The following RALGAPA2 variants were observed in gnomAD, a reference collection of about 807,000 sequenced individuals.
RALGAPA2 encodes ral GTPase-activating protein subunit alpha-2.
In RALGAPA2, 139 loss-of-function variants were observed where a neutral mutation model predicts 230.4. That is an observed-to-expected ratio of 0.60 (90% CI 0.53 to 0.69). The LOEUF is 0.69. Ranked by LOEUF, RALGAPA2 falls within the 30% of genes least tolerant of loss-of-function variation. The probability of loss-of-function intolerance (pLI) is 0.00; values close to 1 mark genes in which losing one functional copy is unlikely to be tolerated. For synonymous variants in RALGAPA2, 847 were observed against 837.8 expected, an observed-to-expected ratio of 1.01 and a Z score of -0.19; for missense variants, 2,163 against 2,276.0, an observed-to-expected ratio of 0.95 and a Z score of 1.01.
chr20:20,592,573 A>G (rs1012120662), intron 16 of RALGAPA2, among the ~76,000 whole-genome samples: 9 of 152,168 alleles, frequency 5.9e-5, no homozygotes, highest in African/African-American at 2.2e-4. Context: ...TTACATCCAC[A>G]TAACTAGAAT....
chr20:20,504,383 G>T (rs926979160), intron 34 of RALGAPA2, among the ~76,000 whole-genome samples: 2 of 152,124 alleles, frequency 1.3e-5, no homozygotes, highest in African/African-American at 4.8e-5. Flanking sequence ...CCCCTTGCTA[G>T]CACTGAGCTC....
At chr20:20,648,771 A>G (rs994641030) in intron 4 of RALGAPA2, among the ~76,000 whole-genome samples, 3 of 152,174 alleles carry the variant, frequency 2.0e-5, no homozygotes, top group Non-Finnish European at 4.4e-5. Flanking sequence ...ACATGGCAGC[A>G]ACCAGGAGGT....
chr20:20,619,151 C>T (rs1414352548), intron 12 of RALGAPA2, 126 bp downstream of exon 12: 4 of 1,002,678 alleles, frequency 4.0e-6, no homozygotes, highest in South Asian at 4.4e-5. Flanking sequence ...TGCTGTTTAT[C>T]GTTTACTGAC....
At chr20:20,406,223 C>T (rs969907092) in intron 38 of RALGAPA2, among the ~76,000 whole-genome samples, 9 of 151,858 alleles carry the variant, frequency 5.9e-5, no homozygotes, top group African/African-American at 1.5e-4. Flanking sequence ...CCAATAAATC[C>T]GAATCTAGTG....
chr20:20,450,418 G>T (rs1209224849), intron 37 of RALGAPA2, among the ~76,000 whole-genome samples: 2 of 152,182 alleles, frequency 1.3e-5, no homozygotes, highest in Non-Finnish European at 2.9e-5. Context: ...TACAATCAAG[G>T]TTTAAAAGGC....
At chr20:20,414,402 C>G (rs1046190494) in intron 37 of RALGAPA2, among the ~76,000 whole-genome samples, 1 of 152,186 alleles carries the variant, frequency 6.6e-6, no homozygotes, top group Non-Finnish European at 1.5e-5. Flanking sequence ...AAAGGAAATG[C>G]GTGCGCATTT....
intron 37 of RALGAPA2, among the ~76,000 whole-genome samples, chr20:20,413,469 G>GCTAT (rs2060103933): frequency 6.6e-6 from 1 of 152,156 alleles, no homozygotes; most frequent in Non-Finnish European, 1.5e-5. Context: ...CTAGGGCTGT[G>GCTAT]CTATCCCATA....
chr20:20,652,460 T>A (rs767141666), intron 4 of RALGAPA2, among the ~76,000 whole-genome samples: 13 of 152,214 alleles, frequency 8.5e-5, no homozygotes, highest in Non-Finnish European at 1.3e-4. Context: ...ATCCCCTGAC[T>A]GGGCAAAAGG....
intron 15 of RALGAPA2, among the ~76,000 whole-genome samples, chr20:20,603,930 G>A (rs189279304): frequency 1.6e-3 from 241 of 152,252 alleles, no homozygotes; most frequent in Middle Eastern, 3.4e-3. Flanking sequence ...AGCTTTGAAG[G>A]AAAAATTCCT....
chr20:20,678,636 C>T (rs1187141875), intron 2 of RALGAPA2, among the ~76,000 whole-genome samples: 1 of 152,150 alleles, frequency 6.6e-6, no homozygotes, highest in African/African-American at 2.4e-5. Context: ...GTTATCTCCC[C>T]CTCCAGCTGA....
At chr20:20,679,658 A>G (rs1366902007) in intron 2 of RALGAPA2, among the ~76,000 whole-genome samples, 1 of 151,810 alleles carries the variant, frequency 6.6e-6, no homozygotes, top group Non-Finnish European at 1.5e-5. Flanking sequence ...GAACAGCCCT[A>G]CCTTTACTCA....
intron 38 of RALGAPA2, among the ~76,000 whole-genome samples, chr20:20,406,905 C>G (rs1407853923): frequency 6.6e-6 from 1 of 152,026 alleles, no homozygotes; most frequent in East Asian, 1.9e-4. Context: ...AGAGTGAGAC[C>G]AAAAGGGAAA....
At chr20:20,627,591 C>T (rs1041502880) in intron 10 of RALGAPA2, among the ~76,000 whole-genome samples, 11 of 152,128 alleles carry the variant, frequency 7.2e-5, no homozygotes, top group African/African-American at 2.7e-4. Flanking sequence ...TAAACTTGTG[C>T]CCTGTCTTCC....
intron 14 of RALGAPA2, among the ~76,000 whole-genome samples, chr20:20,610,075 A>G (rs1011755816): frequency 3.3e-5 from 5 of 152,102 alleles, no homozygotes; most frequent in African/African-American, 1.2e-4. Flanking sequence ...TCCTTTTGTC[A>G]CTTTTACCTA....
At chr20:20,659,844 T>C (rs2067710879) in intron 3 of RALGAPA2, 2 of 682,910 alleles carry the variant, frequency 2.9e-6, no homozygotes, top group Non-Finnish European at 5.0e-6. Flanking sequence ...AGAGGAAAGC[T>C]ATTGTCCCTG....
chr20:20,625,621 G>C (rs1216829488), intron 10 of RALGAPA2, among the ~76,000 whole-genome samples: 1 of 152,062 alleles, frequency 6.6e-6, no homozygotes, highest in African/African-American at 2.4e-5. Context: ...CAAAGAAATA[G>C]TAATCCTTAC....
At chr20:20,638,988 G>A (rs1760674672) in intron 7 of RALGAPA2, among the ~76,000 whole-genome samples, 1 of 152,214 alleles carries the variant, frequency 6.6e-6, no homozygotes, top group South Asian at 2.1e-4. Flanking sequence ...ATCTCATGAA[G>A]GAGGGGTAGT....
chr20:20,570,207 T>C (rs1217245028), intron 23 of RALGAPA2, among the ~76,000 whole-genome samples: 1 of 152,174 alleles, frequency 6.6e-6, no homozygotes, highest in East Asian at 1.9e-4. Context: ...ACAATGAATA[T>C]GACAGACTAC....
intron 2 of RALGAPA2, among the ~76,000 whole-genome samples, chr20:20,677,719 C>A (rs2068384257): frequency 7.1e-6 from 1 of 140,516 alleles, no homozygotes; most frequent in African/African-American, 2.7e-5. Context: ...TCTCGGCTCA[C>A]TGCAAGCTCC....
Sources: allele counts gnomAD v4.1 joint callset (sites outside exome capture counted in the v4.1 genomes callset), GRCh38; gene constraint gnomAD v4.1.1; transcripts MANE v1.5; gene names NCBI Gene and HGNC (gene_info 2026-07-23, HGNC 2026-07-21).